MPPED1: variants seen among roughly 807,000 people sequenced by gnomAD.
MPPED1 encodes the protein metallophosphoesterase domain containing 1.
In MPPED1, 16 loss-of-function variants were observed where a neutral mutation model predicts 36.2. The observed-to-expected ratio is 0.44, with a 90% CI of 0.30 to 0.67. MPPED1 has a LOEUF of 0.67. Among genes scored for constraint, MPPED1 ranks in the 30% least tolerant of loss-of-function variants. MPPED1 has a pLI of 0.10. For missense variants in MPPED1, 307 were observed against 453.4 expected, an observed-to-expected ratio of 0.68 and a Z score of 2.93; for synonymous variants, 199 against 191.3, an observed-to-expected ratio of 1.04 and a Z score of -0.33.
chr22:43,422,907 G>A (rs890632197), intron 1 of MPPED1, among the ~76,000 whole-genome samples: 1 of 152,102 alleles, frequency 6.6e-6, no homozygotes, highest in African/African-American at 2.4e-5. Flanking sequence ...CGCTGTCTCG[G>A]CTCACTGCAA....
At chr22:43,471,721 G>A (rs986241303) in intron 3 of MPPED1, among the ~76,000 whole-genome samples, 4 of 152,286 alleles carry the variant, frequency 2.6e-5, no homozygotes, top group African/African-American at 7.2e-5. Context: ...ATGCCTGGTC[G>A]CACTGTGGGG....
intron 4 of MPPED1, among the ~76,000 whole-genome samples, chr22:43,480,821 C>G (rs554808295): frequency 6.8e-6 from 1 of 146,974 alleles, no homozygotes; most frequent in East Asian, 2.0e-4. Context: ...TTTTTCTTTT[C>G]TTTTCTTTTT....
chr22:43,491,635 TG>T (rs1932093045), intron 4 of MPPED1, among the ~76,000 whole-genome samples: 1 of 149,502 alleles, frequency 6.7e-6, no homozygotes, highest in African/African-American at 2.5e-5. Context: ...GTGATGGTGA[TG>T]GAGGTGGTGG....
intron 3 of MPPED1, among the ~76,000 whole-genome samples, chr22:43,444,279 G>GGTGTGTGTGTGTGTGT (rs35340638): frequency 3.1e-4 from 44 of 142,016 alleles, no homozygotes; most frequent in African/African-American, 9.1e-4. Context: ...GACCCACTGG[G>GGTGTGTGTGTGTGTGT]GTGTGTGTGT....
chr22:43,499,865 G>A (rs1312370218), intron 5 of MPPED1, among the ~76,000 whole-genome samples: 1 of 96,040 alleles, frequency 1.0e-5, no homozygotes. Flanking sequence ...TGGAGGTGGT[G>A]GTGGTGGTGA....
chr22:43,505,736 A>T lies in MPPED1; in HGVS notation c.*120A>T. 1 of 820,798 alleles carries T rather than the reference A, an allele frequency of 1.2e-6. No homozygotes were observed. The highest frequency in any genetic ancestry group is 2.0e-6 in the Non-Finnish European group (1 of 506,836). 50.8% of individuals were successfully genotyped at this position (820,798 alleles called of 1,614,324 possible). ...ATCTGGCTGCGGGGACTGGCCTAGC[A>T]GGCAGGTCAGGGCCTTGGAACGACT... On this transcript the variant is annotated 3_prime_UTR_variant, in exon 7 of 7. Coordinates refer to ENST00000443721, the MANE Select transcript of MPPED1 (RefSeq NM_001044370.2).
At chr22:43,500,229 G>GTGGTGGGGGTGA (rs1569091780) in intron 5 of MPPED1, among the ~76,000 whole-genome samples, 13 of 17,834 alleles carry the variant, frequency 7.3e-4, no homozygotes, top group Non-Finnish European at 1.2e-3. Context: ...GATGGTGGAG[G>GTGGTGGGGGTGA]TGGTGATGGA....
intron 2 of MPPED1, among the ~76,000 whole-genome samples, chr22:43,429,246 C>T (rs1375681546): frequency 6.6e-6 from 1 of 152,108 alleles, no homozygotes; most frequent in Non-Finnish European, 1.5e-5. Flanking sequence ...CTGGGATTCC[C>T]ACCCAGTGCT....
chr22:43,454,211 G>A (rs547179230), intron 3 of MPPED1, among the ~76,000 whole-genome samples: 57 of 152,200 alleles, frequency 3.7e-4, no homozygotes, highest in Middle Eastern at 6.8e-3. Context: ...GTTTCACTGC[G>A]TTGGCCAGGC....
intron 3 of MPPED1, among the ~76,000 whole-genome samples, chr22:43,462,014 C>T (rs1211450779): frequency 1.3e-5 from 2 of 152,132 alleles, no homozygotes; most frequent in Non-Finnish European, 2.9e-5. Context: ...AGCTGCTCAG[C>T]TGGATCACCT....
In MPPED1 at chr22:43,412,668, C is replaced by CCCAGCCATCCAT. The variant is rs1555896851; in HGVS notation, c.-79+513_-79+514insGCCATCCATCCA. On this transcript the variant is annotated intron_variant, in intron 1 of 6. Coordinates refer to ENST00000443721, the MANE Select transcript of MPPED1 (RefSeq NM_001044370.2). The stretch of plus-strand genomic sequence containing the variant: ...TCCTTCCATCCATTCATCCCTCCCT[C>CCCAGCCATCCAT]CCATCCATCCATCCATCCATCCATC... Among the ~76,000 whole-genome samples the CCCAGCCATCCAT allele has an allele frequency of 2.0e-5, 3 of 149,160 alleles. No individual in the cohort carries two copies. In the South Asian group the frequency reaches 6.5e-4, roughly 32 times the overall value.
chr22:43,448,368 G>T (rs1930437077), intron 3 of MPPED1, among the ~76,000 whole-genome samples: 1 of 152,128 alleles, frequency 6.6e-6, no homozygotes, highest in Non-Finnish European at 1.5e-5. Context: ...TTATTTCATT[G>T]TAGCTGATTT....
chr22:43,488,114 G>C (rs1931969615), intron 4 of MPPED1, among the ~76,000 whole-genome samples: 3 of 152,122 alleles, frequency 2.0e-5, no homozygotes, highest in African/African-American at 7.2e-5. Flanking sequence ...GATTGAGTCT[G>C]GCTGTTCCTG....
rs1931790497 is a variant in MPPED1 at position 43,482,778 on chromosome 22, C to T, written c.632+7817C>T. 2.6e-5 allele frequency among the ~76,000 whole-genome samples: 4 copies of T among 152,346 alleles called. No homozygotes were observed. The South Asian group carries it at 8.3e-4, about 32-fold the overall frequency. On this transcript the variant is annotated intron_variant, in intron 4 of 6. Transcript: ENST00000443721. ...CACAGCCATGGGACAGAGCTGCAGC[C>T]AGGTGGCTCTGGGATGAGGCTGGGG...
intron 1 of MPPED1, among the ~76,000 whole-genome samples, chr22:43,412,668 C>CCCATCCATCCATCCATCCATCCATCCAT (rs59354174): frequency 6.7e-5 from 10 of 149,160 alleles, no homozygotes; most frequent in Non-Finnish European, 1.2e-4. Context: ...ATCCCTCCCT[C>CCCATCCATCCATCCATCCATCCATCCAT]CCATCCATCC....
intron 3 of MPPED1, among the ~76,000 whole-genome samples, chr22:43,470,133 T>C (rs1446621983): frequency 2.0e-5 from 3 of 150,374 alleles, no homozygotes; most frequent in Non-Finnish European, 3.0e-5. Context: ...CATCCATCCA[T>C]TCATCCATCT....
chr22:43,442,295 A>C (rs1463655345), intron 3 of MPPED1, among the ~76,000 whole-genome samples: 8 of 141,874 alleles, frequency 5.6e-5, no homozygotes, highest in East Asian at 2.1e-4. Flanking sequence ...CCTTCTTCCC[A>C]CCTCCCCACC....
chr22:43,433,646 G>T (rs1929846585), intron 2 of MPPED1, among the ~76,000 whole-genome samples: 1 of 151,718 alleles, frequency 6.6e-6, no homozygotes, highest in Non-Finnish European at 1.5e-5. Context: ...GGAGAGGCTG[G>T]CTCGGCGCCT....
rs763438133 is a variant in MPPED1, at chr22:43,505,522, C to T, written c.887C>T (p.Thr296Met). The change falls in exon 7 of 7, where the codon ACG (threonine) becomes ATG (methionine). Residue 296 changes from threonine (T) to methionine (M), a missense_variant. Transcript: ENST00000443721. ...GGGTATGGTGTCATGGCAGATGGGA[C>T]GACCACCTATGTGAATGCGTCCGTA... is the stretch of plus-strand genomic sequence containing the variant. ...HEGYGVMADG[T>M]TTYVNASVCT... The T allele has an allele frequency of 9.9e-6, 16 of 1,611,040 alleles. No individual in the cohort carries two copies. The highest frequency in any genetic ancestry group is 4.5e-5 in the East Asian group (2 of 44,796).
Sources: allele counts gnomAD v4.1 joint callset (sites outside exome capture counted in the v4.1 genomes callset), GRCh38; gene constraint gnomAD v4.1.1; transcripts MANE v1.5; gene names NCBI Gene and HGNC (gene_info 2026-07-23, HGNC 2026-07-21).